TTLL5: variants seen among roughly 807,000 people sequenced by gnomAD.
TTLL5 encodes tubulin tyrosine ligase like 5, also known as tubulin polyglutamylase TTLL5.
TTLL5 carries 132 observed loss-of-function variants against 168.4 expected under a neutral mutation model. The ratio of observed to expected loss-of-function variants is 0.78; its 90% CI spans 0.68 to 0.91. The LOEUF is 0.91. TTLL5 is among the 40% of genes least tolerant of loss of function. TTLL5 has a pLI of 0.00. For missense variants in TTLL5, 1,545 were observed against 1,581.5 expected, an observed-to-expected ratio of 0.98 and a Z score of 0.39; for synonymous variants, 546 against 558.6, an observed-to-expected ratio of 0.98 and a Z score of 0.32.
chr14:75,666,747 C>T (rs1278020137), intron 2 of TTLL5, among the ~76,000 whole-genome samples: 2 of 152,162 alleles, frequency 1.3e-5, no homozygotes, highest in Non-Finnish European at 2.9e-5. Flanking sequence ...AATGCAAAAG[C>T]TGCTTACAGC....
intron 12 of TTLL5, among the ~76,000 whole-genome samples, chr14:75,722,757 C>T (rs559405726): frequency 3.2e-4 from 48 of 152,238 alleles, no homozygotes; most frequent in African/African-American, 1.1e-3. Flanking sequence ...ACCAAGTGAT[C>T]CTCCTGCCTT....
chr14:75,885,675 A>T (rs1280163441), intron 30 of TTLL5, among the ~76,000 whole-genome samples: 1 of 152,218 alleles, frequency 6.6e-6, no homozygotes, highest in African/African-American at 2.4e-5. Flanking sequence ...GGCTCTCGAA[A>T]TCAGGATCCT....
chr14:75,910,931 G>T (rs1232339890), intron 31 of TTLL5, among the ~76,000 whole-genome samples: 1 of 152,162 alleles, frequency 6.6e-6, no homozygotes, highest in Non-Finnish European at 1.5e-5. Flanking sequence ...GGTATTTCCA[G>T]TTTGCACCAT....
At chr14:75,841,354 A>G (rs757532028) in intron 28 of TTLL5, among the ~76,000 whole-genome samples, 15 of 152,190 alleles carry the variant, frequency 9.9e-5, no homozygotes, top group Non-Finnish European at 2.1e-4. Flanking sequence ...ACAAACACAC[A>G]TACCCACAGC....
chr14:75,675,245 TA>T (rs915524379), intron 3 of TTLL5, among the ~76,000 whole-genome samples: 1 of 152,218 alleles, frequency 6.6e-6, no homozygotes, highest in Non-Finnish European at 1.5e-5. Context: ...TTTCTGATAC[TA>T]GGGCACAGCT....
chr14:75,898,822 TC>T (rs2032792326), intron 30 of TTLL5, among the ~76,000 whole-genome samples: 1 of 152,038 alleles, frequency 6.6e-6, no homozygotes, highest in South Asian at 2.1e-4. Flanking sequence ...TGGCGTCTCT[TC>T]CTAAGGGATC....
At chr14:75,833,680 G>A (rs986517210) in intron 28 of TTLL5, among the ~76,000 whole-genome samples, 4 of 152,110 alleles carry the variant, frequency 2.6e-5, no homozygotes, top group Admixed American at 6.5e-5. Context: ...CATAGAGTAC[G>A]TGCCCAGTAA....
chr14:75,900,725 C>T (rs937495929), intron 30 of TTLL5, among the ~76,000 whole-genome samples: 9 of 152,322 alleles, frequency 5.9e-5, no homozygotes, highest in African/African-American at 1.9e-4. Flanking sequence ...GCTCTTTCCT[C>T]TCCCTCCTCC....
intron 21 of TTLL5, among the ~76,000 whole-genome samples, chr14:75,773,969 G>GAGAGAGAAAGAGAGAA (rs1891552899): frequency 7.9e-6 from 1 of 126,234 alleles, no homozygotes; most frequent in African/African-American, 3.6e-5. Context: ...GAGAGAGAGA[G>GAGAGAGAAAGAGAGAA]AGAGAGAGAG....
chr14:75,732,491 C>A (rs1260670699), intron 13 of TTLL5, 72 bp downstream of exon 13: 4 of 1,301,862 alleles, frequency 3.1e-6, no homozygotes, highest in Admixed American at 3.8e-5. Flanking sequence ...TTTTTTTGAT[C>A]ATTTCTCTTG....
At chr14:75,914,396 G>A in intron 31 of TTLL5, among the ~76,000 whole-genome samples, 1 of 151,848 alleles carries the variant, frequency 6.6e-6, no homozygotes, top group East Asian at 1.9e-4. Flanking sequence ...AAACTTTTCT[G>A]AAAAATAGTC....
chr14:75,759,288 C>A (rs1489761091), intron 18 of TTLL5, among the ~76,000 whole-genome samples: 5 of 152,030 alleles, frequency 3.3e-5, no homozygotes, highest in Non-Finnish European at 7.4e-5. Context: ...AATGACAATT[C>A]TTTGTGGTGG....
chr14:75,719,639 A>C, intron 10 of TTLL5, 96 bp from the exon 11 acceptor site: 1 of 1,110,266 alleles, frequency 9.0e-7, no homozygotes. Flanking sequence ...TAAAAAAAAA[A>C]CTTTTTAAAA....
intron 23 of TTLL5, among the ~76,000 whole-genome samples, chr14:75,778,465 G>A (rs981275531): frequency 6.6e-6 from 1 of 152,180 alleles, no homozygotes; most frequent in East Asian, 1.9e-4. Flanking sequence ...AAAACACACT[G>A]ACAGGCAAAG....
At chr14:75,704,952 A>G (rs1170262757) in intron 7 of TTLL5, among the ~76,000 whole-genome samples, 2 of 152,246 alleles carry the variant, frequency 1.3e-5, no homozygotes, top group South Asian at 2.1e-4. Context: ...CACTATCAGC[A>G]TATTCTCTGC....
At chr14:75,671,905 G>A (rs972537254) in intron 3 of TTLL5, among the ~76,000 whole-genome samples, 2 of 152,124 alleles carry the variant, frequency 1.3e-5, no homozygotes, top group African/African-American at 2.4e-5. Flanking sequence ...AGAATTTCTA[G>A]TACAATGCTG....
intron 28 of TTLL5, among the ~76,000 whole-genome samples, chr14:75,847,944 A>G (rs1009396298): frequency 6.8e-6 from 1 of 146,946 alleles, no homozygotes; most frequent in Non-Finnish European, 1.5e-5. Flanking sequence ...AATTATAAGT[A>G]TACATTTTCT....
chr14:75,849,829 G>C (rs1167106396), intron 28 of TTLL5, among the ~76,000 whole-genome samples: 1 of 152,158 alleles, frequency 6.6e-6, no homozygotes, highest in Non-Finnish European at 1.5e-5. Context: ...GGTCGGGTGT[G>C]GTGGCTCACA....
intron 9 of TTLL5, among the ~76,000 whole-genome samples, chr14:75,715,755 G>C (rs143010458): frequency 7.1e-4 from 107 of 151,682 alleles, no homozygotes; most frequent in African/African-American, 2.3e-3. Context: ...CCTTGCTGGG[G>C]TTCAGAATAA....
Sources: allele counts gnomAD v4.1 joint callset (sites outside exome capture counted in the v4.1 genomes callset), GRCh38; gene constraint gnomAD v4.1.1; transcripts MANE v1.5; gene names NCBI Gene and HGNC (gene_info 2026-07-23, HGNC 2026-07-21).